Variants in CCDC149 observed in about 807,000 individuals in gnomAD.
The protein encoded by CCDC149 is coiled-coil domain-containing protein 149.
A neutral mutation model predicts 59.9 loss-of-function variants in CCDC149; 45 were observed. That is an observed-to-expected ratio of 0.75 (90% CI 0.59 to 0.96). The LOEUF (loss-of-function observed/expected upper bound fraction) is 0.96. CCDC149 is among the 40% of genes least tolerant of loss of function. The pLI is 0.00. For synonymous variants in CCDC149, 245 were observed against 260.6 expected, an observed-to-expected ratio of 0.94 and a Z score of 0.58; for missense variants, 584 against 664.7, an observed-to-expected ratio of 0.88 and a Z score of 1.33.
At chr4:24,889,210 C>T (rs1720383408) in intron 1 of CCDC149, among the ~76,000 whole-genome samples, 1 of 152,210 alleles carries the variant, frequency 6.6e-6, no homozygotes. Context: ...CTCACCATCT[C>T]AGTCTCTGCA....
At chr4:24,915,516 CTA>C (rs1452155223), upstream of CCDC149, among the ~76,000 whole-genome samples, 2 of 152,266 alleles carry the variant, frequency 1.3e-5, no homozygotes, top group Non-Finnish European at 2.9e-5. Context: ...GCATTCCAGA[CTA>C]TGTGCCTTTA....
intron 3 of CCDC149, among the ~76,000 whole-genome samples, chr4:24,864,320 T>G (rs1445158707): frequency 2.0e-5 from 3 of 152,174 alleles, no homozygotes. Flanking sequence ...CCCTAATTAT[T>G]CCTGCTAATA....
intron 3 of CCDC149, among the ~76,000 whole-genome samples, chr4:24,867,843 C>G (rs1718793814): frequency 6.6e-6 from 1 of 152,210 alleles, no homozygotes; most frequent in African/African-American, 2.4e-5. Context: ...CCAGTAAGCT[C>G]AGATCACAGA....
chr4:24,919,795 A>T (rs1722232589), intron 1 of CCDC149, among the ~76,000 whole-genome samples: 1 of 152,326 alleles, frequency 6.6e-6, no homozygotes, highest in South Asian at 2.1e-4. Context: ...GATGATCTTG[A>T]AGGCCTGTGA....
chr4:24,942,128 A>T (rs1722972399), intron 1 of CCDC149, among the ~76,000 whole-genome samples: 1 of 152,240 alleles, frequency 6.6e-6, no homozygotes, highest in Non-Finnish European at 1.5e-5. Context: ...CTTGATGAAC[A>T]TTGATGCAAA....
chr4:24,844,387 CCT>C (rs1717136875), intron 4 of CCDC149, among the ~76,000 whole-genome samples: 1 of 152,122 alleles, frequency 6.6e-6, no homozygotes, highest in Non-Finnish European at 1.5e-5. Flanking sequence ...GCGAGAACCC[CCT>C]GAGAGGTTGG....
At chr4:24,820,138 TG>T (rs144507372) in intron 11 of CCDC149, 163 bp from the exon 12 acceptor site, 86,801 of 596,522 alleles carry the variant, frequency 0.15, 7,050 homozygotes, top group Non-Finnish European at 0.17. Context: ...CTTACACTAT[TG>T]CACCACCCTA....
intron 1 of CCDC149, among the ~76,000 whole-genome samples, chr4:24,927,783 C>A (rs985445632): frequency 6.6e-6 from 1 of 152,160 alleles, no homozygotes; most frequent in Non-Finnish European, 1.5e-5. Context: ...CACACACACA[C>A]ATACATTCTT....
At chr4:24,959,653 A>G (rs1251030572) in intron 1 of CCDC149, among the ~76,000 whole-genome samples, 1 of 152,234 alleles carries the variant, frequency 6.6e-6, no homozygotes, top group Admixed American at 6.5e-5. Flanking sequence ...AAAAGCAGCC[A>G]GAGAGTAAGA....
chr4:24,878,789 C>T (rs1719643040), intron 1 of CCDC149, among the ~76,000 whole-genome samples: 1 of 152,194 alleles, frequency 6.6e-6, no homozygotes, highest in Admixed American at 6.5e-5. Context: ...AACATCCCGC[C>T]TATTGAAGGG....
rs1560249559 is a variant in CCDC149 at position 24,906,396 on chromosome 4, T to TTTTATTTTATTTTATTTTATTTTA, written c.63+6420_63+6421insTAAAATAAAATAAAATAAAATAAA. On this transcript the variant is annotated intron_variant, in intron 1 of 12. Transcript: ENST00000635206. ...TTTTATTTTATTTTATTTTATTTTA[T>TTTTATTTTATTTTATTTTATTTTA]TTTATTTTATTTTACTTTATTTGAG... Among the ~76,000 whole-genome samples the TTTTATTTTATTTTATTTTATTTTA allele has an allele frequency of 9.4e-3, 391 of 41,702 alleles. 7 individuals are homozygous for TTTTATTTTATTTTATTTTATTTTA. The highest frequency in any genetic ancestry group is 0.019 in the African/African-American group (365 of 19,358). 27.4% of individuals were successfully genotyped at this position (41,702 alleles called of 152,430 possible).
At chr4:24,954,752 G>A (rs1353110050) in intron 1 of CCDC149, among the ~76,000 whole-genome samples, 1 of 152,172 alleles carries the variant, frequency 6.6e-6, no homozygotes, top group Non-Finnish European at 1.5e-5. Context: ...GATAAGCATG[G>A]CAGCACTGAA....
chr4:24,958,360 C>T (rs1232770770), intron 1 of CCDC149, among the ~76,000 whole-genome samples: 1 of 152,204 alleles, frequency 6.6e-6, no homozygotes, highest in African/African-American at 2.4e-5. Context: ...TGCAGTGCCT[C>T]AGACTACCTA....
intron 1 of CCDC149, among the ~76,000 whole-genome samples, chr4:24,887,892 T>C (rs1214438913): frequency 6.6e-6 from 1 of 152,000 alleles, no homozygotes; most frequent in Non-Finnish European, 1.5e-5. Flanking sequence ...TCCAACTTCA[T>C]CATCAGCTCT....
intron 1 of CCDC149, among the ~76,000 whole-genome samples, chr4:24,901,678 C>G (rs1017886664): frequency 3.9e-5 from 6 of 152,124 alleles, no homozygotes; most frequent in Non-Finnish European, 5.9e-5. Context: ...TCTTCCTTCC[C>G]AAGAGCTCAA....
rs980545746 is a variant in CCDC149, at chr4:24,957,134, T to C, written c.-65+22935A>G. Among the ~76,000 whole-genome samples, 14 of 152,364 alleles carry C rather than the reference T, an allele frequency of 9.2e-5. No homozygotes were observed. In the East Asian group the frequency reaches 2.3e-3, roughly 25 times the overall value. ...CAGCTCCTGGCATACAACTGGGCTC[T>C]GGTAGAAACTATCTGACCATGAAGT... On this transcript the variant is annotated intron_variant, in intron 1 of 12. Coordinates refer to the CCDC149 transcript ENST00000389609.
In CCDC149 at chr4:24,812,605, A is replaced by G. The variant is rs574952096; in HGVS notation, c.1193-3786T>C. Among the ~76,000 whole-genome samples the G allele has an allele frequency of 3.9e-5, 6 of 152,300 alleles. No homozygotes were observed. In the South Asian group the frequency reaches 1.0e-3, roughly 26 times the overall value. On this transcript the variant is annotated intron_variant, in intron 12 of 12. Transcript: ENST00000635206. The stretch of plus-strand genomic sequence containing the variant: ...AAGACCTTGAAGACCAGTCAATGCC[A>G]AGTCCTGTCTTTGTCCCTCTGTATT...
In CCDC149 at chr4:24,806,464, C is replaced by T. The variant is rs753136599; in HGVS notation, c.*1925G>A. ...CAGGCCCTGAAGATGTGCATCTGGC[C>T]GATGGTGGGTCAAAACCAGAGTTCT... On this transcript the variant is annotated 3_prime_UTR_variant, in exon 13 of 13. Coordinates refer to ENST00000635206, the MANE Select transcript of CCDC149 (RefSeq NM_001330643.2). 2 of 152,152 alleles carry T rather than the reference C, an allele frequency of 1.3e-5. No homozygotes were observed. Among genetic ancestry groups the T allele is most frequent in the Non-Finnish European group, 2.9e-5 (2 of 68,026 alleles). The allele number at this position is 152,152 out of a possible 1,614,324, so 9.4% of individuals were successfully genotyped here. A position where few individuals can be genotyped will look rare whatever the true frequency, so the allele number is the denominator to read the frequency against.
At chr4:24,921,269 C>A (rs1722284645) in intron 1 of CCDC149, among the ~76,000 whole-genome samples, 1 of 152,176 alleles carries the variant, frequency 6.6e-6, no homozygotes, top group South Asian at 2.1e-4. Flanking sequence ...TGTGATGATC[C>A]CAGGCCTGAT....
Sources: allele counts gnomAD v4.1 joint callset (sites outside exome capture counted in the v4.1 genomes callset), GRCh38; gene constraint gnomAD v4.1.1; transcripts MANE v1.5; gene names NCBI Gene and HGNC (gene_info 2026-07-23, HGNC 2026-07-21).